The following MYO1E variants were observed in gnomAD, a reference collection of about 807,000 sequenced individuals.
The protein encoded by MYO1E is myosin IE.
MYO1E carries 68 observed loss-of-function variants against 151.1 expected under a neutral mutation model. The ratio of observed to expected loss-of-function variants is 0.45; its 90% CI spans 0.37 to 0.55. The LOEUF (loss-of-function observed/expected upper bound fraction) is 0.55, where lower values mean the gene tolerates loss of function less well. Among genes scored for constraint, MYO1E ranks in the 20% least tolerant of loss-of-function variants. MYO1E has a pLI of 0.00. For missense variants in MYO1E, 1,363 were observed against 1,389.3 expected (o/e 0.98, Z 0.30); for synonymous variants, 601 against 501.7 (o/e 1.20, Z -2.64).
intron 17 of MYO1E, among the ~76,000 whole-genome samples, chr15:59,189,981 C>T (rs1262860122): frequency 6.6e-6 from 1 of 152,204 alleles, no homozygotes; most frequent in Non-Finnish European, 1.5e-5. Flanking sequence ...TTTAGTAGGC[C>T]TGCACCTTGG....
In MYO1E at chr15:59,178,429, C is replaced by A. The variant is rs2079638344; in HGVS notation, c.2013G>T (p.Leu671=). ...SVNMDSDQFQ[L]GRSKVFIKAP... ...CTTTGATGAACACTTTACTCCTCCC[C>A]AGCTGGAACTGGTCGCTGTCCATGT... Residue 671 remains leucine, a synonymous_variant, in exon 19 of 28, where the codon CTG becomes CTT. Transcript: ENST00000288235. The A allele has an allele frequency of 1.2e-6, 2 of 1,614,242 alleles. No individual in the cohort carries two copies. The highest frequency in any genetic ancestry group is 2.2e-5 in the East Asian group (1 of 44,888).
At chr15:59,236,486 GT>G in intron 5 of MYO1E, 98 bp downstream of exon 5, 1 of 959,092 alleles carries the variant, frequency 1.0e-6, no homozygotes, top group East Asian at 2.5e-5. Context: ...AGAAGAACCA[GT>G]GTCTTTTCTG....
chr15:59,260,874 A>T (rs1251809355), intron 3 of MYO1E, among the ~76,000 whole-genome samples: 3 of 152,228 alleles, frequency 2.0e-5, no homozygotes, highest in East Asian at 1.9e-4. Flanking sequence ...CTAATTTTCT[A>T]TGCAAATAAG....
At chr15:59,284,658 A>G (rs1157973475) in intron 1 of MYO1E, among the ~76,000 whole-genome samples, 1 of 138,594 alleles carries the variant, frequency 7.2e-6, no homozygotes, top group Admixed American at 7.2e-5. Context: ...TTTTTTTTGT[A>G]GAGACAGGGT....
intron 23 of MYO1E, among the ~76,000 whole-genome samples, chr15:59,162,196 C>T (rs1051102117): frequency 1.3e-5 from 2 of 152,072 alleles, no homozygotes; most frequent in Non-Finnish European, 2.9e-5. Flanking sequence ...CCACCATACT[C>T]GGCTAATTTT....
chr15:59,372,325 C>A (rs2080951514), intron 1 of MYO1E, among the ~76,000 whole-genome samples, 173 bp downstream of exon 1: 1 of 152,208 alleles, frequency 6.6e-6, no homozygotes, highest in African/African-American at 2.4e-5. Context: ...TCGCTCTCCC[C>A]CGGCCCGGGT....
Position 59,308,152 on chromosome 15 carries a change from G to A in MYO1E, c.4-35703C>T, listed in dbSNP as rs193158464. Among the ~76,000 whole-genome samples the A allele has an allele frequency of 3.1e-3, 451 of 146,048 alleles. 5 individuals carry two copies. Among genetic ancestry groups the A allele is most frequent in the African/African-American group, 0.011 (434 of 39,662 alleles). On this transcript the variant is annotated intron_variant, in intron 1 of 27. Transcript: ENST00000288235. The stretch of plus-strand genomic sequence containing the variant: ...GCATGAGAATCACCTGAACCCAGGA[G>A]GCAGAGGTTGCAGTAAGCCAAGATC...
chr15:59,169,068 T>C (rs188393829), intron 22 of MYO1E, among the ~76,000 whole-genome samples: 1 of 152,326 alleles, frequency 6.6e-6, no homozygotes, highest in East Asian at 1.9e-4. Flanking sequence ...CATGTTGTCT[T>C]GTAACTGTTA....
chr15:59,147,200 G>A lies in MYO1E; in HGVS notation c.3080+6390C>T, dbSNP rs552543284. On this transcript the variant is annotated intron_variant, in intron 26 of 27. Transcript: ENST00000288235. ...AAGAAAACAAAACCCCAAATGACAT[G>A]AAAACTCTCTAAACTGAGGGCTAAT... Among the ~76,000 whole-genome samples the A allele has an allele frequency of 4.3e-4, 65 of 152,280 alleles. No individual in the cohort carries two copies. The South Asian group carries it at 0.013, about 30-fold the overall frequency.
At chr15:59,143,931 GC>G (rs1487984555) in intron 26 of MYO1E, among the ~76,000 whole-genome samples, 1 of 152,120 alleles carries the variant, frequency 6.6e-6, no homozygotes, top group African/African-American at 2.4e-5. Flanking sequence ...CCCTCTCCTA[GC>G]CCACGGCTTC....
intron 1 of MYO1E, among the ~76,000 whole-genome samples, chr15:59,340,184 G>A (rs1187092579): frequency 6.6e-6 from 1 of 152,000 alleles, no homozygotes. Flanking sequence ...AATTGGCTGG[G>A]CATGGTGGTG....
intron 1 of MYO1E, among the ~76,000 whole-genome samples, chr15:59,360,880 G>C (rs2080881152): frequency 6.6e-6 from 1 of 152,192 alleles, no homozygotes; most frequent in Non-Finnish European, 1.5e-5. Context: ...GACAGAAAAG[G>C]TTGAGGGTAG....
At chr15:59,370,366 T>G (rs1393439896) in intron 1 of MYO1E, among the ~76,000 whole-genome samples, 2 of 152,224 alleles carry the variant, frequency 1.3e-5, no homozygotes, top group South Asian at 2.1e-4. Flanking sequence ...TAATGAACAA[T>G]TTTTCAAGTC....
At position 59,171,903 on chromosome 15, in the gene MYO1E, G is replaced by A; in HGVS notation, c.2474C>T (p.Ser825Phe). 6.2e-7 allele frequency: 1 copy of A among 1,614,174 alleles called. No homozygotes were observed. Among genetic ancestry groups the A allele is most frequent in the African/African-American group, 1.3e-5 (1 of 75,036 alleles). Residue 825 changes from serine to phenylalanine, a missense_variant, in exon 22 of 28, where the codon TCC becomes TTC. Ser to Phe is a radical substitution (Grantham distance 155). Coordinates refer to ENST00000288235, the MANE Select transcript of MYO1E (RefSeq NM_004998.4). Reference protein sequence around the residue: ...KIEIERILSVSLSTMQDDIFI... With the variant: ...KIEIERILSVFLSTMQDDIFI... ...CTGCACCTCCACTACTCACCTGAGG[G>A]ACACAGACAAGATCCGTTCTATCTC... is the stretch of plus-strand genomic sequence containing the variant.
intron 1 of MYO1E, among the ~76,000 whole-genome samples, chr15:59,349,979 T>C (rs1251221824): frequency 6.6e-6 from 1 of 152,170 alleles, no homozygotes; most frequent in African/African-American, 2.4e-5. Flanking sequence ...GGCGATGTGG[T>C]AGTCAGAAAG....
intron 1 of MYO1E, among the ~76,000 whole-genome samples, chr15:59,285,236 C>T (rs1196816421): frequency 6.6e-6 from 1 of 151,594 alleles, no homozygotes; most frequent in Non-Finnish European, 1.5e-5. Flanking sequence ...AGTTTTAAAG[C>T]AATCTTGCAA....
intron 9 of MYO1E, among the ~76,000 whole-genome samples, chr15:59,221,849 A>G (rs1386633787): frequency 6.6e-6 from 1 of 152,218 alleles, no homozygotes; most frequent in East Asian, 1.9e-4. Flanking sequence ...TTACTATCCA[A>G]GAAGGCAAAA....
chr15:59,306,528 A>C (rs1237383463), intron 1 of MYO1E, among the ~76,000 whole-genome samples: 2 of 152,216 alleles, frequency 1.3e-5, no homozygotes, highest in Non-Finnish European at 2.9e-5. Context: ...TTGTGGATGG[A>C]GGAAAATATA....
intron 4 of MYO1E, among the ~76,000 whole-genome samples, chr15:59,252,939 CTG>C (rs1281305930): frequency 2.6e-5 from 4 of 152,120 alleles, no homozygotes; most frequent in Non-Finnish European, 4.4e-5. Flanking sequence ...CCTGAAGAGA[CTG>C]TGGATTCTAC....
Sources: allele counts gnomAD v4.1 joint callset (sites outside exome capture counted in the v4.1 genomes callset), GRCh38; gene constraint gnomAD v4.1.1; transcripts MANE v1.5; gene names NCBI Gene and HGNC (gene_info 2026-07-23, HGNC 2026-07-21).